PPA2: variants seen among roughly 807,000 people sequenced by gnomAD.
PPA2 encodes inorganic pyrophosphatase 2, mitochondrial.
A neutral mutation model predicts 49.5 loss-of-function variants in PPA2; 48 were observed. The observed-to-expected ratio is 0.97, with a 90% CI of 0.77 to 1.23. The LOEUF (loss-of-function observed/expected upper bound fraction) is 1.23. Ranked by LOEUF, PPA2 falls within the 50% of genes most tolerant of loss-of-function variation. PPA2 has a pLI of 0.00. For missense variants in PPA2, 429 were observed against 410.1 expected, an observed-to-expected ratio of 1.05 and a Z score of -0.40; for synonymous variants, 131 against 139.9, an observed-to-expected ratio of 0.94 and a Z score of 0.45.
chr4:105,446,437 C>T lies in PPA2; in HGVS notation c.387G>A (p.Val129=), dbSNP rs1264572356. The T allele has an allele frequency of 3.1e-6, 5 of 1,605,744 alleles. No individual in the cohort carries two copies. In the Admixed American group the frequency reaches 8.5e-5, roughly 27 times the overall value. ...AACCCTTGTAAGGGAAGATATTCGC[C>T]ACATAGCGTAGCTTTCCATCCTTTA... The part of the protein sequence containing the change: ...QYVKDGKLRY[V]ANIFPYKGYI... Residue 129 remains valine, a synonymous_variant, in exon 5 of 12, where the codon GTG becomes GTA. Transcript: ENST00000341695.
At chr4:105,435,681 CA>C (rs977356976) in intron 6 of PPA2, among the ~76,000 whole-genome samples, 4 of 152,060 alleles carry the variant, frequency 2.6e-5, no homozygotes, top group African/African-American at 4.8e-5. Context: ...GGATTCACCA[CA>C]TAAAGAAAAC....
At chr4:105,373,521 G>A (rs971688545) in intron 10 of PPA2, among the ~76,000 whole-genome samples, 1 of 151,996 alleles carries the variant, frequency 6.6e-6, no homozygotes, top group Non-Finnish European at 1.5e-5. Context: ...GCTGCTTCTT[G>A]TTGGAGTGCC....
chr4:105,450,375 CT>C lies in PPA2; in HGVS notation c.268-973del, dbSNP rs890656208. 3.3e-3 allele frequency among the ~76,000 whole-genome samples: 464 copies of C among 142,214 alleles called. 4 individuals carry two copies. The highest frequency in any genetic ancestry group is 7.5e-3 in the African/African-American group (293 of 39,122). The allele number at this position is 142,214 out of a possible 152,430, so 93.3% of individuals were successfully genotyped here. On this transcript the variant is annotated intron_variant, in intron 3 of 11. Coordinates refer to ENST00000341695, the MANE Select transcript of PPA2 (RefSeq NM_176869.3). ...AAATTGGAATCTGAATTACACTTTC[CT>C]TTTTTTTTTTTTTCTCCCAAGACGG...
chr4:105,423,110 A>G (rs1216278510), intron 7 of PPA2: 1 of 152,196 alleles, frequency 6.6e-6, no homozygotes, highest in Non-Finnish European at 1.5e-5. Context: ...AAATAATGAG[A>G]TAAGGAATAT....
intron 3 of PPA2, among the ~76,000 whole-genome samples, chr4:105,450,767 C>G (rs1024358958): frequency 2.0e-5 from 3 of 152,080 alleles, no homozygotes; most frequent in Non-Finnish European, 2.9e-5. Flanking sequence ...GCCACCACTT[C>G]CGGCTAATTT....
chr4:105,457,870 T>A (rs1722933171), intron 1 of PPA2, among the ~76,000 whole-genome samples: 1 of 152,170 alleles, frequency 6.6e-6, no homozygotes, highest in Non-Finnish European at 1.5e-5. Flanking sequence ...TGGCCCAGAT[T>A]TTGGTTTCAA....
intron 5 of PPA2, 66 bp from the exon 6 acceptor site, chr4:105,438,102 C>A: frequency 9.1e-7 from 1 of 1,104,848 alleles, no homozygotes; most frequent in South Asian, 1.5e-5. Context: ...TTAATCTTTC[C>A]ACATAATCAC....
At chr4:105,438,423 T>C (rs17258325) in intron 5 of PPA2, among the ~76,000 whole-genome samples, 2 of 152,184 alleles carry the variant, frequency 1.3e-5, no homozygotes, top group Non-Finnish European at 2.9e-5. Flanking sequence ...CATTCACCGC[T>C]TCCTTTGACC....
chr4:105,457,298 A>C (rs1038353231), intron 1 of PPA2, among the ~76,000 whole-genome samples: 4 of 152,258 alleles, frequency 2.6e-5, no homozygotes, highest in African/African-American at 9.6e-5. Flanking sequence ...TCTTACCTTA[A>C]AAGTTGTATA....
At chr4:105,441,827 C>T (rs972406602) in intron 5 of PPA2, among the ~76,000 whole-genome samples, 5 of 152,098 alleles carry the variant, frequency 3.3e-5, no homozygotes, top group Non-Finnish European at 7.4e-5. Context: ...TATTACCTTA[C>T]AATCTATAAG....
chr4:105,386,761 G>T, intron 9 of PPA2, 125 bp from the exon 10 acceptor site: 1 of 700,090 alleles, frequency 1.4e-6, no homozygotes, highest in South Asian at 1.9e-5. Flanking sequence ...AATAGAAACT[G>T]AATGAATAAA....
At chr4:105,405,274 T>C in intron 7 of PPA2, 1 of 722,884 alleles carries the variant, frequency 1.4e-6, no homozygotes. Context: ...AGTATCTAGG[T>C]ATACATATAT....
intron 3 of PPA2, among the ~76,000 whole-genome samples, chr4:105,452,850 A>T (rs1367040834): frequency 3.3e-5 from 5 of 152,124 alleles, no homozygotes; most frequent in Admixed American, 1.3e-4. Context: ...TGACAGCCAC[A>T]TATATTTGTT....
intron 6 of PPA2, among the ~76,000 whole-genome samples, chr4:105,433,071 C>T (rs1723886145): frequency 6.6e-6 from 1 of 152,120 alleles, no homozygotes; most frequent in South Asian, 2.1e-4. Context: ...CTATAAGCAT[C>T]AGTATTAAGG....
At chr4:105,413,529 G>T (rs1292320720) in intron 7 of PPA2, among the ~76,000 whole-genome samples, 1 of 152,096 alleles carries the variant, frequency 6.6e-6, no homozygotes, top group Non-Finnish European at 1.5e-5. Context: ...ACAAAAGGTG[G>T]AAGATTAGTC....
chr4:105,381,042 C>A (rs1308053923), intron 10 of PPA2, among the ~76,000 whole-genome samples: 1 of 152,102 alleles, frequency 6.6e-6, no homozygotes, highest in Non-Finnish European at 1.5e-5. Flanking sequence ...TCTTCACTTG[C>A]CTAAAAACTC....
rs34248474 is a variant in PPA2 at position 105,371,192 on chromosome 4, T to C, written c.940-319A>G. Among the ~76,000 whole-genome samples the C allele has an allele frequency of 0.11, 16,336 of 152,190 alleles. 1,388 individuals carry two copies. The highest frequency in any genetic ancestry group is 0.43 in the East Asian group (2,228 of 5,172). On this transcript the variant is annotated intron_variant, in intron 10 of 11. Coordinates refer to ENST00000341695, the MANE Select transcript of PPA2 (RefSeq NM_176869.3). Reference sequence around the variant, plus strand: ...CTTCCGCAGCTAATGTCTTGAAAGTTAAAATCAAGCACACACACACACATA... The same window carrying C: ...CTTCCGCAGCTAATGTCTTGAAAGTCAAAATCAAGCACACACACACACATA...
intron 7 of PPA2, chr4:105,405,195 T>C: frequency 4.3e-6 from 3 of 705,330 alleles, no homozygotes; most frequent in Non-Finnish European, 5.2e-6. Context: ...TGTATAATGC[T>C]CCTGAAAAAT....
chr4:105,370,715 T>C, intron 11 of PPA2, 122 bp downstream of exon 11: 1 of 1,173,618 alleles, frequency 8.5e-7, no homozygotes, highest in Non-Finnish European at 1.1e-6. Context: ...TAAAAATATT[T>C]CACTTAGCTT....
Sources: allele counts gnomAD v4.1 joint callset (sites outside exome capture counted in the v4.1 genomes callset), GRCh38; gene constraint gnomAD v4.1.1; transcripts MANE v1.5; gene names NCBI Gene and HGNC (gene_info 2026-07-23, HGNC 2026-07-21).